The following TNXB variants were observed in gnomAD, a reference collection of about 807,000 sequenced individuals.
The protein encoded by TNXB is tenascin XB, also known as tenascin-X.
In TNXB, 183 loss-of-function variants were observed where a neutral mutation model predicts 340.5. The ratio of observed to expected loss-of-function variants is 0.54; its 90% CI spans 0.48 to 0.61. The LOEUF is 0.61. Ranked by LOEUF, TNXB falls within the 20% of genes least tolerant of loss-of-function variation. The probability of loss-of-function intolerance (pLI) is 0.00; values close to 1 mark genes in which losing one functional copy is unlikely to be tolerated. For missense variants in TNXB, 4,613 were observed against 5,446.4 expected (o/e 0.85, Z 4.82); for synonymous variants, 2,121 against 2,314.5 (o/e 0.92, Z 2.40).
rs1387678445 is a variant in TNXB at position 32,046,622 on chromosome 6, T to A, written c.10325-166A>T. On this transcript the variant is annotated intron_variant, in intron 30 of 43. Coordinates refer to ENST00000644971, the MANE Select transcript of TNXB (RefSeq NM_001365276.2). The surrounding 1 kb of genome is among the most constrained non-coding windows in gnomAD (Gnocchi z 6.9). ...CTGCTCCCGCCATGCCCCACAGGAATGAGGGAGAACAGCCCCCTCCTCCTC... is the reference window on the plus strand; with the variant it reads ...CTGCTCCCGCCATGCCCCACAGGAAAGAGGGAGAACAGCCCCCTCCTCCTC... 1 of 566,942 alleles carries A rather than the reference T, an allele frequency of 1.8e-6. No individual in the cohort carries two copies. The highest frequency in any genetic ancestry group is 2.9e-6 in the Non-Finnish European group (1 of 340,404). The allele number at this position is 566,942 out of a possible 1,614,324, so 35.1% of individuals were successfully genotyped here.
intron 29 of TNXB, 48 bp from the exon 30 acceptor site, chr6:32,048,060 G>A: frequency 6.4e-7 from 1 of 1,573,996 alleles, no homozygotes; most frequent in Non-Finnish European, 8.7e-7. Flanking sequence ...AGGCAAAGGG[G>A]CCACGGAGCT....
rs750273126 is a variant in TNXB at position 32,096,316 on chromosome 6, C to T, written c.1537G>A (p.Val513Met). The change falls in exon 3 of 44, where the codon GTG becomes ATG. Residue 513 changes from valine to methionine, a missense_variant. Transcript: ENST00000644971. ...TCACCGGTGAAGCCCGGGTTGCACA[C>T]GCAGCGGCCATCCACGCAGCGCCCG... ...GRGRCVDGRCVCNPGFTGEDC... is the reference protein window; with the variant it reads ...GRGRCVDGRCMCNPGFTGEDC... 4 of 1,550,042 alleles carry T rather than the reference C, an allele frequency of 2.6e-6. No individual in the cohort carries two copies. The South Asian group carries it at 3.5e-5, about 14-fold the overall frequency.
chr6:32,108,301 G>T lies in TNXB; in HGVS notation c.-9+880C>A, dbSNP rs1781075021. On this transcript the variant is annotated intron_variant, in intron 1 of 43. Transcript: ENST00000644971. This position sits in a 1 kb window ranked among gnomAD's most constrained non-coding sequence, Gnocchi z 4.8. ...TTCTATGCCATTAAATTCTTTCCAG[G>T]CGAGATAAGGGGCCCGCCCTTCCCA... 6.6e-6 allele frequency among the ~76,000 whole-genome samples: 1 copy of T among 152,140 alleles called. No homozygotes were observed. The highest frequency in any genetic ancestry group is 2.4e-5 in the African/African-American group (1 of 41,410).
In TNXB at chr6:32,079,090, G is replaced by A; in HGVS notation, c.4318C>T (p.Leu1440=). Reference sequence around the variant, plus strand: ...CGCTGCCCCTCGTGGAGGCCGTACAGGTGCATCTTGTACTTGTGCCCGGGC... The same window carrying A: ...CGCTGCCCCTCGTGGAGGCCGTACAAGTGCATCTTGTACTTGTGCCCGGGC... ...LEPGHKYKMH[L]YGLHEGQRVG... is the part of the protein sequence containing the mutation. The change falls in exon 11 of 44, where the codon CTG becomes TTG. Residue 1440 remains leucine, a synonymous_variant. Transcript: ENST00000644971. The surrounding 1 kb of genome is among the most constrained non-coding windows in gnomAD (Gnocchi z 7.1). 3.7e-6 allele frequency: 6 copies of A among 1,613,716 alleles called. No homozygotes were observed. The highest frequency in any genetic ancestry group is 4.2e-6 in the Non-Finnish European group (5 of 1,179,862).
rs1359226033 is a variant in TNXB at position 32,082,399 on chromosome 6, A to C, written c.3446-73T>G. 4.2e-6 allele frequency: 6 copies of C among 1,443,326 alleles called. No individual in the cohort carries two copies. In the African/African-American group the frequency reaches 4.2e-5, roughly 10 times the overall value. The allele number at this position is 1,443,326 out of a possible 1,614,324, so 89.4% of individuals were successfully genotyped here. ...ATGGGGAAGCCAAATCCCACATAGG[A>C]ATGCTGTGTGAGGCTGTGCAGGTTG... On this transcript the variant is annotated intron_variant, in intron 8 of 43. Coordinates refer to ENST00000644971, the MANE Select transcript of TNXB (RefSeq NM_001365276.2). The surrounding 1 kb of genome is among the most constrained non-coding windows in gnomAD (Gnocchi z 5.0).
At chr6:32,063,071 C>A (rs1016256631) in intron 19 of TNXB, among the ~76,000 whole-genome samples, 1 of 149,688 alleles carries the variant, frequency 6.7e-6, no homozygotes, top group Non-Finnish European at 1.5e-5. Flanking sequence ...AACAAACAAA[C>A]AAAAACAAAC....
At position 32,070,308 on chromosome 6, in the gene TNXB, G is replaced by A. The variant is rs1778692066; in HGVS notation, c.5097C>T (p.Gly1699=). The change falls in exon 14 of 44, where the codon GGC becomes GGT. Residue 1699 remains glycine, a synonymous_variant. Transcript: ENST00000644971. The surrounding 1 kb of genome is among the most constrained non-coding windows in gnomAD (Gnocchi z 6.0). The part of the protein sequence containing the change: ...SLRLSWTVPE[G]QFDSFVVQFK... ...ACTGGACCACAAAAGAGTCGAACTG[G>A]CCCTCAGGAACCGTCCAGGAGAGGC... 1 of 1,613,010 alleles carries A rather than the reference G, an allele frequency of 6.2e-7. No individual in the cohort carries two copies.
chr6:32,069,484 T>G lies in TNXB; in HGVS notation c.5587+69A>C. 1 of 1,467,948 alleles carries G rather than the reference T, an allele frequency of 6.8e-7. No homozygotes were observed. Among genetic ancestry groups the G allele is most frequent in the Non-Finnish European group, 9.1e-7 (1 of 1,099,802 alleles). The allele number at this position is 1,467,948 out of a possible 1,614,324, so 90.9% of individuals were successfully genotyped here. A position where few individuals can be genotyped will look rare whatever the true frequency, so the allele number is the denominator to read the frequency against. On this transcript the variant is annotated intron_variant, in intron 15 of 43. Coordinates refer to ENST00000644971, the MANE Select transcript of TNXB (RefSeq NM_001365276.2). The surrounding 1 kb of genome is among the most constrained non-coding windows in gnomAD (Gnocchi z 6.2). ...TATAAAATGGGAAGCTCAGAGATCT[T>G]ATGGCTCAGTCAGACCAGGAGAGCC... is the stretch of plus-strand genomic sequence containing the variant.
chr6:32,046,108 C>G lies in TNXB; in HGVS notation c.10606+67G>C, dbSNP rs1465727232. The G allele has an allele frequency of 8.5e-6, 13 of 1,535,294 alleles. No homozygotes were observed. Among genetic ancestry groups the G allele is most frequent in the Non-Finnish European group, 1.1e-5 (12 of 1,138,488 alleles). On this transcript the variant is annotated intron_variant, in intron 31 of 43. Transcript: ENST00000644971. This position sits in a 1 kb window ranked among gnomAD's most constrained non-coding sequence, Gnocchi z 6.9. Reference sequence around the variant, plus strand: ...TGCCCACTCCTGCAGTCATCTTTGTCTTCAGCCCAAATGCACAAGGAAACC... The same window carrying G: ...TGCCCACTCCTGCAGTCATCTTTGTGTTCAGCCCAAATGCACAAGGAAACC...
rs920782084 is a variant in TNXB at position 32,097,102 on chromosome 6, G to T, written c.751C>A (p.Arg251=). ...GPDCSQRSCP[R]GCSQRGRCEG... ...CAGCGTCCCCTCTGGCTGCAACCTC[G>T]AGGGCAGGAGCGCTGGCTGCAGTCG... The change falls in exon 3 of 44, where the codon CGA becomes AGA. Residue 251 remains arginine (R), a synonymous_variant. Coordinates refer to ENST00000644971, the MANE Select transcript of TNXB (RefSeq NM_001365276.2). This position sits in a 1 kb window ranked among gnomAD's most constrained non-coding sequence, Gnocchi z 5.9. 1.9e-6 allele frequency: 3 copies of T among 1,612,426 alleles called. No homozygotes were observed. The highest frequency in any genetic ancestry group is 2.7e-5 in the African/African-American group (2 of 74,640).
Position 32,074,054 on chromosome 6 carries a change from T to A in TNXB, c.4376-102A>T. 2.6e-4 allele frequency: 244 copies of A among 922,058 alleles called. No individual in the cohort carries two copies. Among genetic ancestry groups the A allele is most frequent in the Non-Finnish European group, 3.6e-4 (229 of 640,762 alleles). The allele number at this position is 922,058 out of a possible 1,614,324, so 57.1% of individuals were successfully genotyped here. A position where few individuals can be genotyped will look rare whatever the true frequency, so the allele number is the denominator to read the frequency against. Reference sequence around the variant, plus strand: ...TTTATTTTTTATTTTTGAGATGGAGTCTCGCTGTCACCCAGAGCAGTGGGC... The same window carrying A: ...TTTATTTTTTATTTTTGAGATGGAGACTCGCTGTCACCCAGAGCAGTGGGC... On this transcript the variant is annotated intron_variant, in intron 11 of 43. Coordinates refer to ENST00000644971, the MANE Select transcript of TNXB (RefSeq NM_001365276.2). The surrounding 1 kb of genome is among the most constrained non-coding windows in gnomAD (Gnocchi z 5.5).
rs1282190212 is a variant in TNXB, at chr6:32,082,286, C to T, written c.3486G>A (p.Leu1162=). The T allele has an allele frequency of 1.3e-5, 21 of 1,603,448 alleles. No homozygotes were observed. Among genetic ancestry groups the T allele is most frequent in the Non-Finnish European group, 1.8e-5 (21 of 1,174,596 alleles). Residue 1162 remains leucine (L), a synonymous_variant, in exon 9 of 44, where the codon CTG becomes CTA. Transcript: ENST00000644971. The surrounding 1 kb of genome is among the most constrained non-coding windows in gnomAD (Gnocchi z 5.0). Reference sequence around the variant, plus strand: ...TAGGGTCTGTCACCCACAGGTTTCCCAGGTGGGGTGGAGTCCCTGGACTTG... The same window carrying T: ...TAGGGTCTGTCACCCACAGGTTTCCTAGGTGGGGTGGAGTCCCTGGACTTG... ...SDPSPGTPPH[L]GNLWVTDPTP...
At position 32,046,443 on chromosome 6, in the gene TNXB, C is replaced by A. The variant is rs1215679391; in HGVS notation, c.10338G>T (p.Lys3446Asn). 1.9e-6 allele frequency: 3 copies of A among 1,574,532 alleles called. No homozygotes were observed. Among genetic ancestry groups the A allele is most frequent in the Non-Finnish European group, 2.6e-6 (3 of 1,153,202 alleles). ...GTTCCCCCAGGTGGGGAGGTAGCTCCTTCTCCAGGGGAGCTGTGCAGAGGG... is the reference window on the plus strand; with the variant it reads ...GTTCCCCCAGGTGGGGAGGTAGCTCATTCTCCAGGGGAGCTGTGCAGAGGG... The part of the protein sequence containing the change: ...SADSTTAPLE[K>N]ELPPHLGELT... The change falls in exon 31 of 44, where the codon AAG becomes AAT. Residue 3446 changes from lysine (K) to asparagine (N), a missense_variant. Lys to Asn is a moderately conservative substitution (Grantham distance 94). Around this residue, in one of 7 missense-constraint regions of TNXB, gnomAD observed 4,327 missense variants for 4,859.4 expected, o/e 0.89. Transcript: ENST00000644971. The surrounding 1 kb of genome is among the most constrained non-coding windows in gnomAD (Gnocchi z 6.9).
At position 32,069,645 on chromosome 6, in the gene TNXB, G is replaced by C; in HGVS notation, c.5495C>G (p.Pro1832Arg). The C allele has an allele frequency of 6.2e-7, 1 of 1,612,816 alleles. No homozygotes were observed. The highest frequency in any genetic ancestry group is 8.5e-7 in the Non-Finnish European group (1 of 1,179,506). The change falls in exon 15 of 44, where the codon CCG becomes CGG. Residue 1832 changes from proline (P) to arginine (R), a missense_variant. Around this residue, in one of 7 missense-constraint regions of TNXB, gnomAD observed 4,327 missense variants for 4,859.4 expected, o/e 0.89. Transcript: ENST00000644971. The surrounding 1 kb of genome is among the most constrained non-coding windows in gnomAD (Gnocchi z 6.2). ...VEGSLREVSV[P>R]GLDPAHRYKL... is the part of the protein sequence containing the mutation. ...GTACCTGTGGGCAGGGTCCAGGCCC[G>C]GCACGCTGACCTCCCTGAGGCTGCC...
At position 32,081,767 on chromosome 6, in the gene TNXB, G is replaced by C; in HGVS notation, c.3737-94C>G. On this transcript the variant is annotated intron_variant, in intron 9 of 43. Coordinates refer to ENST00000644971, the MANE Select transcript of TNXB (RefSeq NM_001365276.2). This position sits in a 1 kb window ranked among gnomAD's most constrained non-coding sequence, Gnocchi z 5.1. The stretch of plus-strand genomic sequence containing the variant: ...GATGTCACACCTATGGGGGGTGGGG[G>C]GTCACTAGTCCATTAATTCGAGTGC... The C allele has an allele frequency of 1.3e-6, 1 of 766,914 alleles. No individual in the cohort carries two copies. Among genetic ancestry groups the C allele is most frequent in the Non-Finnish European group, 2.1e-6 (1 of 474,744 alleles). 47.5% of individuals were successfully genotyped at this position (766,914 alleles called of 1,614,324 possible).
Position 32,064,902 on chromosome 6 carries a change from G to C in TNXB, c.6760C>G (p.Pro2254Ala), listed in dbSNP as rs1562819567. The C allele has an allele frequency of 6.2e-7, 1 of 1,612,724 alleles. No homozygotes were observed. Among genetic ancestry groups the C allele is most frequent in the South Asian group, 1.1e-5 (1 of 91,056 alleles). Reference sequence around the variant, plus strand: ...AGGTTCATCTTGTACTTGTGGTCTGGCTCCAGGCCCGAGATGGTGACCCCA... The same window carrying C: ...AGGTTCATCTTGTACTTGTGGTCTGCCTCCAGGCCCGAGATGGTGACCCCA... ...EDGVTISGLE[P>A]DHKYKMNLYG... Residue 2254 changes from proline (P) to alanine (A), a missense_variant, in exon 19 of 44, where the codon CCA becomes GCA. Transcript: ENST00000644971. The surrounding 1 kb of genome is among the most constrained non-coding windows in gnomAD (Gnocchi z 5.3).
Position 32,048,621 on chromosome 6 carries a change from G to T in TNXB, c.9787C>A (p.Pro3263Thr), listed in dbSNP as rs1209829098. The change falls in exon 29 of 44, where the codon CCC becomes ACC. Residue 3263 changes from proline to threonine, a missense_variant. Pro to Thr is a conservative substitution (Grantham distance 38). Around this residue, in one of 7 missense-constraint regions of TNXB, gnomAD observed 4,327 missense variants for 4,859.4 expected, o/e 0.89. Transcript: ENST00000644971. ...GCCACCGCCAGCTCCCCCAGGCGGG[G>T]CTCCACCGGCAGTGGTGTGGGCAGG... Reference protein sequence around the residue: ...APLPTPLPVEPRLGELAVAAV... With the variant: ...APLPTPLPVETRLGELAVAAV... The T allele has an allele frequency of 1.1e-5, 17 of 1,519,822 alleles. No homozygotes were observed. Among genetic ancestry groups the T allele is most frequent in the Non-Finnish European group, 1.3e-5 (15 of 1,126,950 alleles). The allele number at this position is 1,519,822 out of a possible 1,614,324, so 94.1% of individuals were successfully genotyped here. A position where few individuals can be genotyped will look rare whatever the true frequency, so the allele number is the denominator to read the frequency against.
chr6:32,086,995 G>C (rs1204600290), intron 6 of TNXB, among the ~76,000 whole-genome samples: 1 of 152,150 alleles, frequency 6.6e-6, no homozygotes, highest in African/African-American at 2.4e-5. Flanking sequence ...GAAGTGTCCC[G>C]GGAAACCCCA....
At chr6:32,095,454 G>A in intron 3 of TNXB, 157 bp downstream of exon 3, 1 of 948,414 alleles carries the variant, frequency 1.1e-6, no homozygotes. Flanking sequence ...CTGCCCACTG[G>A]AAAGCCCCAC....
Sources: allele counts gnomAD v4.1 joint callset (sites outside exome capture counted in the v4.1 genomes callset), GRCh38; gene constraint gnomAD v4.1.1; regional missense constraint gnomAD v4.1.1; non-coding constraint Gnocchi (gnomAD v3.1); transcripts MANE v1.5; gene names NCBI Gene and HGNC (gene_info 2026-07-23, HGNC 2026-07-21).